The following TRDN variants were observed in gnomAD, a reference collection of about 807,000 sequenced individuals.
TRDN encodes triadin.
TRDN carries 161 observed loss-of-function variants against 149.7 expected under a neutral mutation model. The ratio of observed to expected loss-of-function variants is 1.08; its 90% confidence interval spans 0.95 to 1.23. The LOEUF is 1.23. Among genes scored for constraint, TRDN ranks in the 50% most tolerant of loss-of-function variants. TRDN has a pLI of 0.00. For missense variants in TRDN, 896 were observed against 823.5 expected, an observed-to-expected ratio of 1.09 and a Z score of -1.08; for synonymous variants, 294 against 250.5, an observed-to-expected ratio of 1.17 and a Z score of -1.64.
At chr6:123,482,515 A>T (rs1376229256) in intron 9 of TRDN, among the ~76,000 whole-genome samples, 2 of 152,200 alleles carry the variant, frequency 1.3e-5, no homozygotes, top group Non-Finnish European at 2.9e-5. Flanking sequence ...CACACTGCTT[A>T]TCCAGTGTCT....
At chr6:123,411,232 A>G (rs570934380) in intron 12 of TRDN, among the ~76,000 whole-genome samples, 45 of 151,884 alleles carry the variant, frequency 3.0e-4, no homozygotes, top group African/African-American at 1.0e-3. Context: ...TTTTTAGTAG[A>G]GACGAGCTTT....
At chr6:123,520,824 C>G (rs948401560) in intron 5 of TRDN, among the ~76,000 whole-genome samples, 8 of 152,088 alleles carry the variant, frequency 5.3e-5, no homozygotes, top group Non-Finnish European at 1.0e-4. Flanking sequence ...TGTGCACACT[C>G]TTCTGGTTTC....
At chr6:123,272,207 G>C (rs1043920256) in intron 29 of TRDN, among the ~76,000 whole-genome samples, 1 of 151,908 alleles carries the variant, frequency 6.6e-6, no homozygotes, top group Non-Finnish European at 1.5e-5. Context: ...GATTTCCTAA[G>C]ATTTGTTTAG....
At chr6:123,573,811 A>G (rs1782693938) in intron 1 of TRDN, among the ~76,000 whole-genome samples, 1 of 152,080 alleles carries the variant, frequency 6.6e-6, no homozygotes, top group South Asian at 2.1e-4. Flanking sequence ...TTAGAAAAAT[A>G]ATATTTGAAC....
chr6:123,372,055 T>G (rs1000911623), intron 19 of TRDN, among the ~76,000 whole-genome samples: 1 of 152,142 alleles, frequency 6.6e-6, no homozygotes, highest in African/African-American at 2.4e-5. Context: ...AAGATTATAT[T>G]TGGCATGCAG....
intron 9 of TRDN, among the ~76,000 whole-genome samples, chr6:123,472,824 G>A: frequency 6.6e-6 from 1 of 152,110 alleles, no homozygotes; most frequent in East Asian, 1.9e-4. Context: ...CAACCCCCCA[G>A]CAGGGGCACA....
intron 22 of TRDN, among the ~76,000 whole-genome samples, chr6:123,333,354 C>G (rs1779734117): frequency 6.6e-6 from 1 of 151,896 alleles, no homozygotes; most frequent in African/African-American, 2.4e-5. Flanking sequence ...TGAGAGCCCA[C>G]AGAACTACAT....
rs540164188 is a variant in TRDN, at chr6:123,280,904, G to A, written c.1511-1822C>T. Among the ~76,000 whole-genome samples the A allele has an allele frequency of 5.7e-4, 87 of 151,944 alleles. 2 individuals carry two copies. The highest frequency in any genetic ancestry group is 3.1e-3 in the South Asian group (15 of 4,808). The stretch of plus-strand genomic sequence containing the variant: ...ATCATTGAATGCAGGGAATTGGTGC[G>A]ATTCCTAATACATGGTGATAAGATA... On this transcript the variant is annotated intron_variant, in intron 24 of 40. Transcript: ENST00000334268.
intron 9 of TRDN, among the ~76,000 whole-genome samples, chr6:123,487,309 A>G (rs375107997): frequency 1.3e-5 from 2 of 152,166 alleles, no homozygotes; most frequent in African/African-American, 4.8e-5. Flanking sequence ...TCTAGATCTC[A>G]TTTAAGTATC....
rs564104006 is a variant in TRDN at position 123,381,479 on chromosome 6, C to A, written c.1166-89G>T. The stretch of plus-strand genomic sequence containing the variant: ...ATATTGATTAGACTGTAATTTTTCC[C>A]ACCCCTCCTTCCAATTTTCTCTCCT... On this transcript the variant is annotated intron_variant, in intron 15 of 40. Transcript: ENST00000334268. The A allele has an allele frequency of 2.4e-3, 2,985 of 1,250,236 alleles. 8 individuals carry two copies. Among genetic ancestry groups the A allele is most frequent in the Non-Finnish European group, 3.1e-3 (2,746 of 893,612 alleles). The allele number at this position is 1,250,236 out of a possible 1,614,324, so 77.4% of individuals were successfully genotyped here.
intron 16 of TRDN, among the ~76,000 whole-genome samples, chr6:123,378,122 T>G (rs1460481476): frequency 1.3e-5 from 2 of 152,038 alleles, no homozygotes; most frequent in Non-Finnish European, 2.9e-5. Flanking sequence ...ATTCTGAATA[T>G]TAGAGGAATT....
intron 21 of TRDN, chr6:123,351,772 G>A: frequency 1.1e-6 from 1 of 919,096 alleles, no homozygotes; most frequent in Non-Finnish European, 1.3e-6. Context: ...TAAAATTATT[G>A]CAAGTTCTAA....
chr6:123,417,628 C>T (rs2114531959), intron 12 of TRDN, among the ~76,000 whole-genome samples: 1 of 152,222 alleles, frequency 6.6e-6, no homozygotes, highest in African/African-American at 2.4e-5. Context: ...CCCTTTTGTA[C>T]TGTAAATTGC....
intron 2 of TRDN, among the ~76,000 whole-genome samples, chr6:123,557,385 G>A (rs991672819): frequency 6.6e-6 from 1 of 152,022 alleles, no homozygotes; most frequent in Non-Finnish European, 1.5e-5. Context: ...ACCAGCCCAA[G>A]GAACACCTCA....
At chr6:123,601,589 A>C (rs1300293065) in intron 1 of TRDN, among the ~76,000 whole-genome samples, 6 of 152,072 alleles carry the variant, frequency 3.9e-5, no homozygotes, top group Non-Finnish European at 7.4e-5. Flanking sequence ...CCCTCCTCTA[A>C]GCAGTCAGGG....
intron 1 of TRDN, among the ~76,000 whole-genome samples, chr6:123,628,142 G>A (rs1776372132): frequency 6.6e-6 from 1 of 152,292 alleles, no homozygotes; most frequent in East Asian, 1.9e-4. Flanking sequence ...TTTGGTGCAA[G>A]AGGCCTAGCT....
At chr6:123,586,256 C>T (rs1241471008) in intron 1 of TRDN, among the ~76,000 whole-genome samples, 1 of 151,964 alleles carries the variant, frequency 6.6e-6, no homozygotes, top group African/African-American at 2.4e-5. Context: ...TAAGCCGGAC[C>T]GGGTGTGAGG....
At chr6:123,350,429 AAAAT>A (rs1005188139) in intron 21 of TRDN, 13 of 603,324 alleles carry the variant, frequency 2.2e-5, no homozygotes, top group Admixed American at 6.4e-5. Context: ...ACAAATAAAT[AAAAT>A]AAATATTTAA....
At chr6:123,614,374 T>C (rs77568863) in intron 1 of TRDN, among the ~76,000 whole-genome samples, 7,783 of 147,412 alleles carry the variant, frequency 0.053, 717 homozygotes, top group African/African-American at 0.18. Flanking sequence ...AAAATGTAAA[T>C]TTAGAAAATA....
Sources: allele counts gnomAD v4.1 joint callset (sites outside exome capture counted in the v4.1 genomes callset), GRCh38; gene constraint gnomAD v4.1.1; transcripts MANE v1.5; gene names NCBI Gene and HGNC (gene_info 2026-07-23, HGNC 2026-07-21).